The following RFX7 variants were observed in gnomAD, a reference collection of about 807,000 sequenced individuals.
RFX7 encodes the protein DNA-binding protein RFX7.
A neutral mutation model predicts 111.8 loss-of-function variants in RFX7; 26 were observed. That is an observed-to-expected ratio of 0.23 (90% CI 0.17 to 0.32). The LOEUF (loss-of-function observed/expected upper bound fraction) is 0.32. Ranked by LOEUF, RFX7 falls within the 10% of genes least tolerant of loss-of-function variation. RFX7 has a pLI of 1.00. For synonymous variants in RFX7, 624 were observed against 624.4 expected, an observed-to-expected ratio of 1.00 and a Z score of 0.01; for missense variants, 1,573 against 1,772.9, an observed-to-expected ratio of 0.89 and a Z score of 2.02.
Position 56,094,460 on chromosome 15 carries a change from C to T in RFX7, c.3268G>A (p.Val1090Met), listed in dbSNP as rs2041642964. 7 of 1,613,972 alleles carry T rather than the reference C, an allele frequency of 4.3e-6. No homozygotes were observed. The East Asian group carries it at 1.6e-4, about 36-fold the overall frequency. Reference protein sequence around the residue: ...HGILPSYQELVEDRFRKPHAF... With the variant: ...HGILPSYQELMEDRFRKPHAF... ...TGAGGTTTCCTGAAACGGTCTTCCA[C>T]TAGTTCCTGATAGCTTGGGAGAATA... is the stretch of plus-strand genomic sequence containing the variant. The change falls in exon 10 of 10, where the codon GTG (valine) becomes ATG (methionine). Residue 1090 changes from valine to methionine, a missense_variant. Transcript: ENST00000559447.
At chr15:56,238,528 A>G (rs1469360075) in intron 2 of RFX7, among the ~76,000 whole-genome samples, 8 of 152,200 alleles carry the variant, frequency 5.3e-5, no homozygotes, top group African/African-American at 1.9e-4. Context: ...GTAGAATCTT[A>G]TAGGTCTTCT....
At chr15:56,110,414 A>AGGTG (rs1555417665) in intron 5 of RFX7, among the ~76,000 whole-genome samples, 1 of 53,630 alleles carries the variant, frequency 1.9e-5, no homozygotes, top group Non-Finnish European at 3.7e-5. Flanking sequence ...CGTCCGGGGG[A>AGGTG]GGGGGGGTCA....
chr15:56,111,661 C>CAAAAAAAAAAAAAAAAAAAAACCA, intron 5 of RFX7, among the ~76,000 whole-genome samples: 1 of 95,568 alleles, frequency 1.0e-5, no homozygotes, highest in Non-Finnish European at 2.0e-5. Context: ...ATAAATAAAC[C>CAAAAAAAAAAAAAAAAAAAAACCA]AAAAAAAAAA....
chr15:56,228,684 G>A (rs1213663417), intron 2 of RFX7, among the ~76,000 whole-genome samples: 7 of 152,020 alleles, frequency 4.6e-5, no homozygotes, highest in Non-Finnish European at 8.8e-5. Context: ...TGAGGCTGTA[G>A]GATTATATTC....
rs192127080 is a variant in RFX7 at position 56,221,711 on chromosome 15, G to A, written c.161+21414C>T. On this transcript the variant is annotated intron_variant, in intron 2 of 9. Coordinates refer to ENST00000559447, the MANE Select transcript of RFX7 (RefSeq NM_022841.7). ...TTTTACCTGTACCACTTTGACAATT[G>A]CTCTAGGGATTACAATATATATCCT... Among the ~76,000 whole-genome samples the A allele has an allele frequency of 2.0e-3, 304 of 151,704 alleles. 1 individual carries two copies. Among genetic ancestry groups the A allele is most frequent in the Non-Finnish European group, 3.4e-3 (233 of 67,908 alleles).
At chr15:56,189,836 A>G (rs991903431) in intron 2 of RFX7, 1 of 152,256 alleles carries the variant, frequency 6.6e-6, no homozygotes, top group Non-Finnish European at 1.5e-5. Flanking sequence ...TAAACCTACC[A>G]TAAGTATTTA....
intron 2 of RFX7, among the ~76,000 whole-genome samples, chr15:56,186,521 G>A (rs2043039934): frequency 6.6e-6 from 1 of 152,006 alleles, no homozygotes; most frequent in Non-Finnish European, 1.5e-5. Flanking sequence ...AAAAGTTTAT[G>A]TCCGGAGTGT....
chr15:56,187,703 G>A (rs1396253969), intron 2 of RFX7, among the ~76,000 whole-genome samples: 2 of 152,198 alleles, frequency 1.3e-5, no homozygotes, highest in Non-Finnish European at 2.9e-5. Context: ...GTTTGAGGAA[G>A]ACTCCAAGGT....
At chr15:56,127,550 AT>A (rs71441430) in intron 5 of RFX7, among the ~76,000 whole-genome samples, 43,047 of 141,182 alleles carry the variant, frequency 0.3, 7,115 homozygotes, top group East Asian at 0.41. Flanking sequence ...TTTTGAAAAG[AT>A]TTTTTTTTTT....
chr15:56,135,875 C>A (rs1204976120), intron 5 of RFX7, among the ~76,000 whole-genome samples: 2 of 152,112 alleles, frequency 1.3e-5, no homozygotes, highest in Non-Finnish European at 2.9e-5. Context: ...AATAGGGAAT[C>A]CTTTCCCCAT....
intron 2 of RFX7, among the ~76,000 whole-genome samples, chr15:56,211,024 A>G (rs561509200): frequency 9.5e-4 from 144 of 152,264 alleles, no homozygotes; most frequent in African/African-American, 3.4e-3. Flanking sequence ...AACAAATGTA[A>G]TAACATACAT....
At chr15:56,115,942 C>CAAAA (rs35440094) in intron 5 of RFX7, among the ~76,000 whole-genome samples, 1 of 99,990 alleles carries the variant, frequency 1.0e-5, no homozygotes, top group Non-Finnish European at 2.1e-5. Flanking sequence ...GACTCCGTCT[C>CAAAA]AAAAAAAAAA....
chr15:56,143,389 A>C (rs1335714905), intron 4 of RFX7, among the ~76,000 whole-genome samples: 2 of 152,016 alleles, frequency 1.3e-5, no homozygotes, highest in Admixed American at 1.3e-4. Context: ...ATATGTATAT[A>C]TAACTACTTG....
intron 3 of RFX7, among the ~76,000 whole-genome samples, chr15:56,156,254 T>G (rs2042651137): frequency 6.6e-6 from 1 of 152,098 alleles, no homozygotes; most frequent in Non-Finnish European, 1.5e-5. Flanking sequence ...CACAGCCAAA[T>G]GGAAACTCTT....
intron 5 of RFX7, among the ~76,000 whole-genome samples, chr15:56,107,838 A>C (rs754484173): frequency 6.6e-6 from 1 of 152,220 alleles, no homozygotes; most frequent in Non-Finnish European, 1.5e-5. Flanking sequence ...AAACAATAAA[A>C]AATGATAATA....
rs555794442 is a variant in RFX7 at position 56,237,059 on chromosome 15, T to G, written c.161+6066A>C. ...CATCCAATGAAAATGTTCTGTTGAT[T>G]GCCTATGATAAATTAATTATATTAG... is the stretch of plus-strand genomic sequence containing the variant. On this transcript the variant is annotated intron_variant, in intron 2 of 9. Coordinates refer to ENST00000559447, the MANE Select transcript of RFX7 (RefSeq NM_022841.7). Among the ~76,000 whole-genome samples, 4 of 152,348 alleles carry G rather than the reference T, an allele frequency of 2.6e-5. No homozygotes were observed. In the South Asian group the frequency reaches 8.3e-4, roughly 32 times the overall value.
rs545601275 is a variant in RFX7 at position 56,088,844 on chromosome 15, G to A, written c.*4501C>T. ...CAGTTAGCACCAGTAAACTTAGTTCGGCAGATTTCAAATTCTTATTTTTTC... is the reference window on the plus strand; with the variant it reads ...CAGTTAGCACCAGTAAACTTAGTTCAGCAGATTTCAAATTCTTATTTTTTC... On this transcript the variant is annotated 3_prime_UTR_variant, in exon 10 of 10. Coordinates refer to ENST00000559447, the MANE Select transcript of RFX7 (RefSeq NM_022841.7). The A allele has an allele frequency of 2.6e-5, 4 of 152,170 alleles. No individual in the cohort carries two copies. The highest frequency in any genetic ancestry group is 7.2e-5 in the African/African-American group (3 of 41,524). The allele number at this position is 152,170 out of a possible 1,614,324, so 9.4% of individuals were successfully genotyped here. A position where few individuals can be genotyped will look rare whatever the true frequency, so the allele number is the denominator to read the frequency against.
At chr15:56,151,597 G>C (rs1218590253) in intron 3 of RFX7, among the ~76,000 whole-genome samples, 1 of 152,154 alleles carries the variant, frequency 6.6e-6, no homozygotes, top group African/African-American at 2.4e-5. Flanking sequence ...ACCAGCCACT[G>C]CAAAAACATA....
chr15:56,087,921 G>T lies in RFX7; in HGVS notation c.*5424C>A, dbSNP rs1488250609. The T allele has an allele frequency of 6.1e-6, 2 of 326,456 alleles. No individual in the cohort carries two copies. The highest frequency in any genetic ancestry group is 9.0e-5 in the East Asian group (1 of 11,156). The allele number at this position is 326,456 out of a possible 1,614,324, so 20.2% of individuals were successfully genotyped here. On this transcript the variant is annotated 3_prime_UTR_variant, in exon 10 of 10. Coordinates refer to ENST00000559447, the MANE Select transcript of RFX7 (RefSeq NM_022841.7). Reference sequence around the variant, plus strand: ...ACTAGAGTATACCTGTATGAAATATGCTTGAAAAGCTGTGTGGAAAACAAA... The same window carrying T: ...ACTAGAGTATACCTGTATGAAATATTCTTGAAAAGCTGTGTGGAAAACAAA...
Sources: allele counts gnomAD v4.1 joint callset (sites outside exome capture counted in the v4.1 genomes callset), GRCh38; gene constraint gnomAD v4.1.1; transcripts MANE v1.5; gene names NCBI Gene and HGNC (gene_info 2026-07-23, HGNC 2026-07-21).